The following NGF variants were observed in gnomAD, a reference collection of about 807,000 sequenced individuals.
NGF encodes the protein nerve growth factor.
NGF carries 4 observed loss-of-function variants against 12.8 expected under a neutral mutation model. The ratio of observed to expected loss-of-function variants is 0.31; its 90% CI spans 0.15 to 0.72. NGF has a LOEUF of 0.72. Among genes scored for constraint, NGF ranks in the 30% least tolerant of loss-of-function variants. The pLI, the probability that NGF is intolerant of heterozygous loss-of-function variation, is 0.69. For missense variants in NGF, 283 were observed against 330.8 expected (o/e 0.86, Z 1.12); for synonymous variants, 140 against 130.0 (o/e 1.08, Z -0.52).
chr1:115,311,273 A>T (rs1443587611), intron 1 of NGF, among the ~76,000 whole-genome samples: 1 of 151,968 alleles, frequency 6.6e-6, no homozygotes. Context: ...GACTTCTCCC[A>T]CTCCCACTCT....
At chr1:115,296,398 A>G (rs1417790903) in intron 1 of NGF, among the ~76,000 whole-genome samples, 1 of 152,152 alleles carries the variant, frequency 6.6e-6, no homozygotes, top group Admixed American at 6.5e-5. Flanking sequence ...TGGATATTCC[A>G]CTACAAGCTA....
intron 1 of NGF, among the ~76,000 whole-genome samples, chr1:115,327,187 T>C (rs1447810177): frequency 6.6e-6 from 1 of 152,244 alleles, no homozygotes; most frequent in East Asian, 1.9e-4. Context: ...CATAGTCGTT[T>C]AAGAAGTCAA....
In NGF at chr1:115,309,803, G is replaced by A. The variant is rs115013729; in HGVS notation, c.-136-16053C>T. On this transcript the variant is annotated intron_variant, in intron 1 of 2. Transcript: ENST00000369512. ...AAAACCATCATTCTCAGCAAACTAT[G>A]GATAGCTTTTGTAAACAGAATCATG... 6.0e-3 allele frequency among the ~76,000 whole-genome samples: 908 copies of A among 150,536 alleles called. 9 individuals are homozygous for A. The highest frequency in any genetic ancestry group is 0.021 in the African/African-American group (876 of 41,148).
chr1:115,311,301 G>T (rs1654329713), intron 1 of NGF, among the ~76,000 whole-genome samples: 1 of 152,152 alleles, frequency 6.6e-6, no homozygotes, highest in East Asian at 1.9e-4. Flanking sequence ...ATAAATTTCA[G>T]ATTTAAACTT....
chr1:115,322,888 A>C (rs1268437977), intron 1 of NGF, among the ~76,000 whole-genome samples: 1 of 152,108 alleles, frequency 6.6e-6, no homozygotes, highest in East Asian at 1.9e-4. Context: ...AAACATTTCC[A>C]TGAGTCATTG....
In NGF at chr1:115,305,973, CTG is replaced by C. The variant is rs372132105; in HGVS notation, c.-136-12225_-136-12224del. Among the ~76,000 whole-genome samples the C allele has an allele frequency of 6.0e-3, 917 of 152,286 alleles. 10 individuals carry two copies. The highest frequency in any genetic ancestry group is 0.021 in the African/African-American group (876 of 41,556). ...AGAGGCCGATGGAGCCAAATGGAAA[CTG>C]TTAATATTTCCATTCATGGACATGC... is the stretch of plus-strand genomic sequence containing the variant. On this transcript the variant is annotated intron_variant, in intron 1 of 2. Transcript: ENST00000369512.
intron 1 of NGF, among the ~76,000 whole-genome samples, chr1:115,327,483 A>G (rs1654809131): frequency 6.6e-6 from 1 of 152,240 alleles, no homozygotes; most frequent in Non-Finnish European, 1.5e-5. Context: ...AAAACAGAAA[A>G]TGAAAACATT....
chr1:115,292,897 G>A (rs754031923), intron 2 of NGF, among the ~76,000 whole-genome samples: 2 of 151,694 alleles, frequency 1.3e-5, no homozygotes, highest in Non-Finnish European at 2.9e-5. Context: ...ATAGAAATAT[G>A]CAACCAGAAA....
At chr1:115,294,872 T>C (rs899130135) in intron 1 of NGF, among the ~76,000 whole-genome samples, 2 of 152,178 alleles carry the variant, frequency 1.3e-5, no homozygotes, top group Non-Finnish European at 2.9e-5. Flanking sequence ...CAAGGAGCTA[T>C]GGTTTTATCC....
At chr1:115,332,597 C>T (rs961300647) in intron 1 of NGF, among the ~76,000 whole-genome samples, 2 of 152,202 alleles carry the variant, frequency 1.3e-5, no homozygotes, top group African/African-American at 4.8e-5. Context: ...AGCTCATGTT[C>T]GTTGGTGCCC....
At chr1:115,317,970 G>A (rs1430389404) in intron 1 of NGF, among the ~76,000 whole-genome samples, 4 of 152,066 alleles carry the variant, frequency 2.6e-5, no homozygotes, top group Admixed American at 2.0e-4. Flanking sequence ...GCTAGCTCTC[G>A]GTGACTTGTA....
chr1:115,312,780 T>A (rs1654368621), intron 1 of NGF, among the ~76,000 whole-genome samples: 1 of 152,204 alleles, frequency 6.6e-6, no homozygotes, highest in South Asian at 2.1e-4. Context: ...AATCAGTGTT[T>A]CCCACCCCTG....
At chr1:115,327,216 A>T (rs1212799100) in intron 1 of NGF, among the ~76,000 whole-genome samples, 1 of 152,228 alleles carries the variant, frequency 6.6e-6, no homozygotes, top group Non-Finnish European at 1.5e-5. Context: ...GAAGATGAAC[A>T]TTTTGTGCAC....
chr1:115,322,604 C>CA (rs1654661046), intron 1 of NGF, among the ~76,000 whole-genome samples: 1 of 152,128 alleles, frequency 6.6e-6, no homozygotes, highest in South Asian at 2.1e-4. Flanking sequence ...AAAGAGATGA[C>CA]AGAGGAGCTA....
chr1:115,337,271 T>TTTG (rs1655149396), intron 1 of NGF, among the ~76,000 whole-genome samples: 5 of 39,772 alleles, frequency 1.3e-4, no homozygotes, highest in East Asian at 1.8e-3. Flanking sequence ...GTTTTTGTTT[T>TTTG]TTTTTTTTTT....
chr1:115,315,134 C>T (rs1291071207), intron 1 of NGF, among the ~76,000 whole-genome samples: 1 of 152,158 alleles, frequency 6.6e-6, no homozygotes, highest in Admixed American at 6.5e-5. Flanking sequence ...TGAGGGGAAA[C>T]TGGAACCAGC....
At chr1:115,324,070 A>T (rs985339804) in intron 1 of NGF, among the ~76,000 whole-genome samples, 1 of 152,142 alleles carries the variant, frequency 6.6e-6, no homozygotes, top group South Asian at 2.1e-4. Context: ...CATCAACATC[A>T]TTATTTTGAG....
At chr1:115,312,892 A>G (rs1654372424) in intron 1 of NGF, among the ~76,000 whole-genome samples, 1 of 152,204 alleles carries the variant, frequency 6.6e-6, no homozygotes, top group Admixed American at 6.5e-5. Context: ...CTCCACATGC[A>G]TTGGGAATCT....
intron 1 of NGF, among the ~76,000 whole-genome samples, chr1:115,324,680 G>T (rs1330477498): frequency 6.6e-6 from 1 of 152,266 alleles, no homozygotes; most frequent in Non-Finnish European, 1.5e-5. Flanking sequence ...ATGCTTGAGA[G>T]GAAGCCCTTC....
Sources: gnomAD v4.1 joint callset for allele counts (sites outside exome capture counted in the v4.1 genomes callset) on GRCh38, gnomAD v4.1.1 for gene constraint, MANE v1.5 for transcripts, NCBI Gene and HGNC (gene_info 2026-07-23, HGNC 2026-07-21) for gene names.